The following TET2 variants were observed in gnomAD, a reference collection of about 807,000 sequenced individuals.
TET2 encodes the protein tet methylcytosine dioxygenase 2.
A neutral mutation model predicts 142.9 loss-of-function variants in TET2; 299 were observed. The ratio of observed to expected loss-of-function variants is 2.09; its 90% CI spans 1.90 to 2.30. The LOEUF (loss-of-function observed/expected upper bound fraction) is 2.30. Ranked by LOEUF, TET2 falls within the 30% of genes most tolerant of loss-of-function variation. The pLI is 0.00. For synonymous variants in TET2, 819 were observed against 849.0 expected (o/e 0.96, Z 0.61); for missense variants, 2,418 against 2,378.0 (o/e 1.02, Z -0.35).
chr4:105,146,767 T>C (rs1379348388), upstream of TET2: 1 of 152,046 alleles, frequency 6.6e-6, no homozygotes, highest in Admixed American at 6.6e-5. Flanking sequence ...CGCATGCAAG[T>C]CACGTCCGCC....
At position 105,272,607 on chromosome 4, in the gene TET2, A is replaced by G; in HGVS notation, c.4226A>G (p.Lys1409Arg). The G allele has an allele frequency of 6.5e-7, 1 of 1,548,150 alleles. No individual in the cohort carries two copies. The highest frequency in any genetic ancestry group is 1.2e-5 in the South Asian group (1 of 83,396). Residue 1409 changes from lysine (K) to arginine (R), a missense_variant, in exon 10 of 11, where the codon AAA (lysine) becomes AGA (arginine). Transcript: ENST00000380013. Reference protein sequence around the residue: ...TREDNREFGGKPEDEQLHVLP... With the variant: ...TREDNREFGGRPEDEQLHVLP... ...GAAGACAATCGAGAATTTGGAGGAA[A>G]ACCTGAGGATGAGCAGCTTCACGTT...
At chr4:105,198,644 G>C (rs1176845725) in intron 2 of TET2, among the ~76,000 whole-genome samples, 1 of 152,120 alleles carries the variant, frequency 6.6e-6, no homozygotes, top group East Asian at 1.9e-4. Context: ...TTACAAAATT[G>C]CTATTATTAT....
chr4:105,148,901 C>CT, intron 1 of TET2, among the ~76,000 whole-genome samples: 1 of 152,116 alleles, frequency 6.6e-6, no homozygotes, highest in Non-Finnish European at 1.5e-5. Flanking sequence ...CGATAGTTCA[C>CT]TTTGTAACTT....
chr4:105,167,115 A>G (rs1724190729), intron 1 of TET2, among the ~76,000 whole-genome samples: 1 of 151,964 alleles, frequency 6.6e-6, no homozygotes, highest in South Asian at 2.1e-4. Context: ...AAATTCCATC[A>G]CATATTTTTC....
intron 4 of TET2, chr4:105,242,322 T>A: frequency 1.9e-6 from 2 of 1,078,458 alleles, no homozygotes; most frequent in South Asian, 9.1e-5. Context: ...GGTGCTTTGG[T>A]CATAAGGGAA....
chr4:105,159,545 G>A (rs116341795), intron 1 of TET2, among the ~76,000 whole-genome samples: 194 of 152,040 alleles, frequency 1.3e-3, no homozygotes, highest in African/African-American at 4.2e-3. Context: ...TTGAGCCACC[G>A]CGCCCAGCTA....
chr4:105,170,655 A>T (rs1300461710), intron 1 of TET2, among the ~76,000 whole-genome samples: 1 of 152,226 alleles, frequency 6.6e-6, no homozygotes, highest in Non-Finnish European at 1.5e-5. Context: ...TGGATCCATG[A>T]GGAATAGCTG....
rs149523782 is a variant in TET2, at chr4:105,259,263, A to G, written c.3804-356A>G. On this transcript the variant is annotated intron_variant, in intron 6 of 10. Transcript: ENST00000380013. ...TAACATAAAAATAGGCAGAACTACT[A>G]TATTCTTAGAGAAGTTACTGTTAGG... 9.8e-4 allele frequency among the ~76,000 whole-genome samples: 149 copies of G among 152,244 alleles called. 1 individual carries two copies. The highest frequency in any genetic ancestry group is 3.4e-3 in the African/African-American group (143 of 41,556).
At chr4:105,183,865 T>G (rs1466238610) in intron 1 of TET2, among the ~76,000 whole-genome samples, 1 of 152,210 alleles carries the variant, frequency 6.6e-6, no homozygotes, top group East Asian at 1.9e-4. Flanking sequence ...TCTTTGCCCC[T>G]TTCTTCCCCT....
At position 105,272,569 on chromosome 4, in the gene TET2, C is replaced by T. The variant is rs532123927; in HGVS notation, c.4188C>T (p.Cys1396=). ...HNMQNGSTLV[C]TLTREDNREF... ...ATGTCTTACTTCCCTACCAGGTATG[C>T]ACTCTCACTAGAGAAGACAATCGAG... is the stretch of plus-strand genomic sequence containing the variant. Residue 1396 remains cysteine, a synonymous_variant, in exon 10 of 11, where the codon TGC becomes TGT. Transcript: ENST00000380013. 2.0e-6 allele frequency: 3 copies of T among 1,522,800 alleles called. No homozygotes were observed. Among genetic ancestry groups the T allele is most frequent in the East Asian group, 2.5e-5 (1 of 40,784 alleles). The allele number at this position is 1,522,800 out of a possible 1,614,324, so 94.3% of individuals were successfully genotyped here.
chr4:105,187,144 A>G (rs1223207009), intron 1 of TET2, among the ~76,000 whole-genome samples: 1 of 152,204 alleles, frequency 6.6e-6, no homozygotes, highest in African/African-American at 2.4e-5. Context: ...CACCATTCCA[A>G]GAACCACAAG....
In TET2 at chr4:105,276,357, G is replaced by C; in HGVS notation, c.5847G>C (p.Val1949=). The change falls in exon 11 of 11, where the codon GTG becomes GTC. Residue 1949 remains valine, a synonymous_variant. Coordinates refer to ENST00000380013, the MANE Select transcript of TET2 (RefSeq NM_001127208.3). ...CTCAGAAATCCCATGGCAAAAAAGT[G>C]AAACGGGAGCCTGCTGAGCCACATG... ...YVPQKSHGKK[V]KREPAEPHET... is the part of the protein sequence containing the mutation. The C allele has an allele frequency of 6.4e-7, 1 of 1,551,858 alleles. No individual in the cohort carries two copies. The highest frequency in any genetic ancestry group is 8.7e-7 in the Non-Finnish European group (1 of 1,147,030).
intron 3 of TET2, 117 bp from the exon 4 acceptor site, chr4:105,241,222 A>C: frequency 1.5e-6 from 2 of 1,345,086 alleles, no homozygotes. Context: ...AGAAAAAAAA[A>C]TTTTAAAGTC....
intron 1 of TET2, among the ~76,000 whole-genome samples, chr4:105,148,053 T>A (rs1723121369): frequency 1.3e-5 from 2 of 151,050 alleles, no homozygotes; most frequent in African/African-American, 4.9e-5. Flanking sequence ...CTCTCTCTCA[T>A]ACACATACAC....
At position 105,278,801 on chromosome 4, in the gene TET2, T is replaced by C. The variant is rs1731334435; in HGVS notation, c.*2282T>C. 4.3e-6 allele frequency: 1 copy of C among 233,088 alleles called. No homozygotes were observed. The allele number at this position is 233,088 out of a possible 1,614,324, so 14.4% of individuals were successfully genotyped here. Reference sequence around the variant, plus strand: ...AATTGTAAGGCAGGAGTTTGGCAAGTGGCTGTTGGCCAGAGACTTACTTGT... The same window carrying C: ...AATTGTAAGGCAGGAGTTTGGCAAGCGGCTGTTGGCCAGAGACTTACTTGT... On this transcript the variant is annotated 3_prime_UTR_variant, in exon 11 of 11. Coordinates refer to ENST00000380013, the MANE Select transcript of TET2 (RefSeq NM_001127208.3).
At chr4:105,200,766 T>C (rs968807652) in intron 2 of TET2, among the ~76,000 whole-genome samples, 1 of 152,080 alleles carries the variant, frequency 6.6e-6, no homozygotes, top group Non-Finnish European at 1.5e-5. Context: ...GTTCAAGCAA[T>C]TCTTCTGCCT....
chr4:105,265,930 A>G (rs1730661723), intron 8 of TET2, among the ~76,000 whole-genome samples: 1 of 152,194 alleles, frequency 6.6e-6, no homozygotes, highest in African/African-American at 2.4e-5. Flanking sequence ...TTATCTCTGT[A>G]TTAAGGAGAC....
At chr4:105,268,362 C>G (rs1447526468) in intron 8 of TET2, among the ~76,000 whole-genome samples, 1 of 152,024 alleles carries the variant, frequency 6.6e-6, no homozygotes, top group Non-Finnish European at 1.5e-5. Context: ...ATACTGGAAA[C>G]TAAAACATTG....
chr4:105,250,051 T>C (rs1257546813), intron 6 of TET2, among the ~76,000 whole-genome samples: 1 of 152,228 alleles, frequency 6.6e-6, no homozygotes, highest in African/African-American at 2.4e-5. Context: ...ATTTAGATTT[T>C]TAATTAATGT....
Sources: allele counts gnomAD v4.1 joint callset (sites outside exome capture counted in the v4.1 genomes callset), GRCh38; gene constraint gnomAD v4.1.1; transcripts MANE v1.5; gene names NCBI Gene and HGNC (gene_info 2026-07-23, HGNC 2026-07-21).